Variants in NRG1 observed in about 807,000 individuals in gnomAD.
The protein encoded by NRG1 is neuregulin 1.
Under a neutral mutation model 63.8 loss-of-function variants are expected in NRG1, and 18 were observed. The ratio of observed to expected loss-of-function variants is 0.28; its 90% CI spans 0.19 to 0.42. NRG1 has a LOEUF of 0.42. Ranked by LOEUF, NRG1 falls within the 10% of genes least tolerant of loss-of-function variation. NRG1 has a pLI of 1.00. For synonymous variants in NRG1, 302 were observed against 301.3 expected (o/e 1.00, Z -0.02); for missense variants, 762 against 814.7 (o/e 0.94, Z 0.79).
chr8:31,678,207 T>C (rs1807928283), intron 1 of NRG1, among the ~76,000 whole-genome samples: 1 of 152,072 alleles, frequency 6.6e-6, no homozygotes, highest in Non-Finnish European at 1.5e-5. Flanking sequence ...TAGCCTGAAA[T>C]AAAAGGTTCC....
intron 1 of NRG1, among the ~76,000 whole-genome samples, chr8:32,083,790 T>TA (rs397795545): frequency 1.2e-4 from 18 of 151,712 alleles, no homozygotes; most frequent in African/African-American, 4.4e-4. Flanking sequence ...TGTATTTTTT[T>TA]AATAAAAGAA....
chr8:32,607,894 A>G (rs1018119456), intron 3 of NRG1, among the ~76,000 whole-genome samples: 1 of 152,150 alleles, frequency 6.6e-6, no homozygotes, highest in African/African-American at 2.4e-5. Flanking sequence ...AAGCCTCTGA[A>G]GAATGAGAAT....
chr8:32,295,517 A>C (rs541815487), intron 1 of NRG1, among the ~76,000 whole-genome samples: 4 of 152,312 alleles, frequency 2.6e-5, no homozygotes, highest in Admixed American at 6.5e-5. Context: ...ACATCTTATA[A>C]TAGGATTACA....
intron 1 of NRG1, among the ~76,000 whole-genome samples, chr8:32,480,108 T>C (rs1350075390): frequency 6.6e-6 from 1 of 152,168 alleles, no homozygotes; most frequent in Non-Finnish European, 1.5e-5. Flanking sequence ...ATTATCTGAA[T>C]CATTGAACAA....
chr8:31,931,884 G>A (rs930963075), intron 1 of NRG1, among the ~76,000 whole-genome samples: 1 of 152,132 alleles, frequency 6.6e-6, no homozygotes, highest in Non-Finnish European at 1.5e-5. Flanking sequence ...CAGTGACTCT[G>A]TACTGTAAAT....
intron 1 of NRG1, among the ~76,000 whole-genome samples, chr8:31,799,906 C>A (rs993488212): frequency 6.6e-6 from 1 of 152,070 alleles, no homozygotes; most frequent in African/African-American, 2.4e-5. Flanking sequence ...AGAGGTCAAT[C>A]TGAATAAGAT....
Position 32,763,605 on chromosome 8 carries a change from A to G in NRG1, c.1260-143A>G. On this transcript the variant is annotated intron_variant, in intron 11 of 11. Coordinates refer to ENST00000356819, the Ensembl canonical transcript of NRG1. Reference sequence around the variant, plus strand: ...CGATTCCAAGGGTGTGGAATTTCCTAGCCTAAATAATTAAGCAGCCTACAA... The same window carrying G: ...CGATTCCAAGGGTGTGGAATTTCCTGGCCTAAATAATTAAGCAGCCTACAA... 4.6e-6 allele frequency: 5 copies of G among 1,077,736 alleles called. No individual in the cohort carries two copies. In the South Asian group the frequency reaches 5.2e-5, roughly 11 times the overall value. 66.8% of individuals were successfully genotyped at this position (1,077,736 alleles called of 1,614,324 possible). A position where few individuals can be genotyped will look rare whatever the true frequency, so the allele number is the denominator to read the frequency against.
intron 1 of NRG1, among the ~76,000 whole-genome samples, chr8:31,930,950 A>G (rs1024720324): frequency 1.3e-5 from 2 of 152,088 alleles, no homozygotes; most frequent in African/African-American, 2.4e-5. Context: ...GCTGAATTCA[A>G]TTGTTGGTTC....
intron 1 of NRG1, among the ~76,000 whole-genome samples, chr8:32,470,914 T>A (rs539454316): frequency 6.6e-6 from 1 of 152,062 alleles, no homozygotes; most frequent in Non-Finnish European, 1.5e-5. Flanking sequence ...TTTCCCGCCT[T>A]ACCTTCCTGA....
At chr8:31,788,169 G>C (rs959544046) in intron 1 of NRG1, among the ~76,000 whole-genome samples, 1 of 151,780 alleles carries the variant, frequency 6.6e-6, no homozygotes, top group Non-Finnish European at 1.5e-5. Flanking sequence ...TATTTTTATA[G>C]TATAAAAATT....
chr8:32,307,848 A>G (rs576720406), intron 1 of NRG1, among the ~76,000 whole-genome samples: 3 of 139,340 alleles, frequency 2.2e-5, no homozygotes, highest in Middle Eastern at 7.4e-3. Flanking sequence ...TCCATCTGAC[A>G]TGCCTCCCTA....
chr8:32,647,984 C>T (rs1854030765), intron 5 of NRG1: 3 of 1,614,208 alleles, frequency 1.9e-6, no homozygotes, highest in Admixed American at 3.3e-5. Context: ...TCAGCCTCTG[C>T]CTCTGCATCG....
At chr8:32,424,938 T>G (rs1465779062) in intron 1 of NRG1, among the ~76,000 whole-genome samples, 1 of 152,164 alleles carries the variant, frequency 6.6e-6, no homozygotes, top group Admixed American at 6.5e-5. Context: ...TTCATATATT[T>G]GAGTCTTTGT....
chr8:32,120,213 AAT>A (rs1833258910), intron 1 of NRG1, among the ~76,000 whole-genome samples: 1 of 152,134 alleles, frequency 6.6e-6, no homozygotes, highest in Non-Finnish European at 1.5e-5. Context: ...TTTCAAAAGA[AAT>A]ATGTCTTAGA....
chr8:31,930,194 C>T, intron 1 of NRG1, among the ~76,000 whole-genome samples: 1 of 152,182 alleles, frequency 6.6e-6, no homozygotes, highest in Admixed American at 6.5e-5. Flanking sequence ...GCCATTACTA[C>T]TCACAGTGTA....
chr8:32,625,860 C>T (rs1402387591), intron 5 of NRG1, among the ~76,000 whole-genome samples: 1 of 137,166 alleles, frequency 7.3e-6, no homozygotes, highest in East Asian at 2.2e-4. Flanking sequence ...GTGGTGTGAT[C>T]TCGGCTCACT....
intron 1 of NRG1, among the ~76,000 whole-genome samples, chr8:32,072,749 A>C (rs969795700): frequency 1.3e-5 from 2 of 152,136 alleles, no homozygotes; most frequent in Admixed American, 1.3e-4. Context: ...CTTCATGGCA[A>C]ATAAGAGAGT....
intron 1 of NRG1, among the ~76,000 whole-genome samples, chr8:32,559,245 T>TA (rs545838945): frequency 0.07 from 6,773 of 96,798 alleles, 564 homozygotes; most frequent in Middle Eastern, 0.1. Context: ...CTCTAAAATG[T>TA]AAAAAAAAAA....
chr8:32,478,128 A>G (rs1824764068), intron 1 of NRG1, among the ~76,000 whole-genome samples: 1 of 152,266 alleles, frequency 6.6e-6, no homozygotes, highest in East Asian at 1.9e-4. Flanking sequence ...TAAAACAACA[A>G]TACCAACCAG....
Sources: gnomAD v4.1 joint callset for allele counts (sites outside exome capture counted in the v4.1 genomes callset) on GRCh38, gnomAD v4.1.1 for gene constraint, MANE v1.5 for transcripts, NCBI Gene and HGNC (gene_info 2026-07-23, HGNC 2026-07-21) for gene names.